Variants in FRMD4A observed in about 807,000 individuals in gnomAD.
The protein encoded by FRMD4A is FERM domain-containing protein 4A.
FRMD4A carries 29 observed loss-of-function variants against 129.1 expected under a neutral mutation model. The ratio of observed to expected loss-of-function variants is 0.22; its 90% CI spans 0.17 to 0.31. The LOEUF (loss-of-function observed/expected upper bound fraction) is 0.31, where lower values mean the gene tolerates loss of function less well. FRMD4A is among the 10% of genes least tolerant of loss of function. FRMD4A has a pLI of 1.00. For synonymous variants in FRMD4A, 634 were observed against 571.6 expected (o/e 1.11, Z -1.56); for missense variants, 1,272 against 1,375.8 (o/e 0.92, Z 1.19).
At position 13,962,299 on chromosome 10, in the gene FRMD4A, C is replaced by T. The variant is rs768602133; in HGVS notation, c.46-103387G>A. Among the ~76,000 whole-genome samples the T allele has an allele frequency of 4.3e-4, 66 of 152,120 alleles. 1 individual carries two copies. Among genetic ancestry groups the T allele is most frequent in the Admixed American group, 6.5e-4 (10 of 15,270 alleles). On this transcript the variant is annotated intron_variant, in intron 2 of 24. Coordinates refer to ENST00000357447, the MANE Select transcript of FRMD4A (RefSeq NM_018027.5). ...AACTTCTCTGAGCCTCGTTATGATA[C>T]CATTATTTATAAAAATGAAGATGAC...
Position 14,000,033 on chromosome 10 carries a change from G to C in FRMD4A, c.46-141121C>G, listed in dbSNP as rs139114904. Among the ~76,000 whole-genome samples the C allele has an allele frequency of 2.1e-3, 327 of 152,296 alleles. 5 individuals are homozygous for C. Among genetic ancestry groups the C allele is most frequent in the African/African-American group, 7.2e-3 (298 of 41,566 alleles). ...GTATTGTTGTAGGCTCTGAGACCTA[G>C]TAGAAAAACTGACCAAGTCCTTTGA... On this transcript the variant is annotated intron_variant, in intron 2 of 24. Coordinates refer to ENST00000357447, the MANE Select transcript of FRMD4A (RefSeq NM_018027.5).
intron 2 of FRMD4A, among the ~76,000 whole-genome samples, chr10:14,137,590 A>G (rs114780664): frequency 0.011 from 1,655 of 152,282 alleles, 22 homozygotes; most frequent in African/African-American, 0.037. Flanking sequence ...GTAGAGAGGC[A>G]TGATGAAAAT....
rs1554858965 is a variant in FRMD4A at position 13,714,036 on chromosome 10, A to AAAATATATAT, written c.760-6924_760-6923insATATATATTT. ...ACATATATAAAATATACATATATAT[A>AAAATATATAT]TATATATATATATATATATATATAA... On this transcript the variant is annotated intron_variant, in intron 12 of 24. Transcript: ENST00000357447. Among the ~76,000 whole-genome samples the AAAATATATAT allele has an allele frequency of 9.6e-3, 45 of 4,708 alleles. 10 individuals carry two copies. The East Asian group carries it at 0.1, about 11-fold the overall frequency. The allele number at this position is 4,708 out of a possible 152,430, so 3.1% of individuals were successfully genotyped here.
chr10:13,960,337 A>G (rs1170055154), intron 2 of FRMD4A, among the ~76,000 whole-genome samples: 1 of 152,242 alleles, frequency 6.6e-6, no homozygotes, highest in Non-Finnish European at 1.5e-5. Context: ...TTGAGACGTT[A>G]AGGAATATTG....
chr10:14,060,968 T>C (rs929334497), intron 2 of FRMD4A, among the ~76,000 whole-genome samples: 1 of 152,122 alleles, frequency 6.6e-6, no homozygotes, highest in South Asian at 2.1e-4. Context: ...CTTTGATTTT[T>C]ATGTATAAGA....
At chr10:14,159,133 T>A (rs373912190) in intron 2 of FRMD4A, among the ~76,000 whole-genome samples, 57 of 152,240 alleles carry the variant, frequency 3.7e-4, no homozygotes, top group African/African-American at 1.3e-3. Flanking sequence ...ATTAAAAATG[T>A]CTCTGGAACA....
intron 2 of FRMD4A, among the ~76,000 whole-genome samples, chr10:14,185,731 G>C (rs967807599): frequency 6.6e-6 from 1 of 152,182 alleles, no homozygotes; most frequent in Admixed American, 6.5e-5. Context: ...AGAGAGAAGG[G>C]ATGGCAACAG....
intron 2 of FRMD4A, among the ~76,000 whole-genome samples, chr10:14,019,380 A>G (rs1335998314): frequency 6.6e-6 from 1 of 152,236 alleles, no homozygotes; most frequent in African/African-American, 2.4e-5. Context: ...GGAAAAACAT[A>G]AAGTTGTAAA....
At chr10:14,058,947 G>T (rs1351739094) in intron 2 of FRMD4A, among the ~76,000 whole-genome samples, 1 of 146,400 alleles carries the variant, frequency 6.8e-6, no homozygotes, top group Admixed American at 6.8e-5. Context: ...AGGGAAAAAT[G>T]CCCTGGTCAA....
chr10:14,037,040 C>T (rs1833533864), intron 2 of FRMD4A, among the ~76,000 whole-genome samples: 1 of 152,190 alleles, frequency 6.6e-6, no homozygotes, highest in African/African-American at 2.4e-5. Flanking sequence ...ATACCTCTGA[C>T]CTACAGCCAC....
chr10:14,051,958 G>A (rs979489565), intron 2 of FRMD4A, among the ~76,000 whole-genome samples: 2 of 152,212 alleles, frequency 1.3e-5, no homozygotes, highest in Non-Finnish European at 2.9e-5. Flanking sequence ...TAGGGTGGTT[G>A]CAGATGTAAT....
At chr10:14,147,614 G>A (rs886328531) in intron 2 of FRMD4A, among the ~76,000 whole-genome samples, 1 of 152,080 alleles carries the variant, frequency 6.6e-6, no homozygotes, top group Non-Finnish European at 1.5e-5. Flanking sequence ...ATTCTCATAA[G>A]GAACGTGCGA....
intron 2 of FRMD4A, among the ~76,000 whole-genome samples, chr10:14,141,930 G>A (rs1162627714): frequency 2.0e-5 from 3 of 152,048 alleles, no homozygotes; most frequent in Non-Finnish European, 4.4e-5. Flanking sequence ...AATAAAGGTC[G>A]ATAGCCTAAA....
At chr10:13,967,914 C>T (rs574082327) in intron 2 of FRMD4A, among the ~76,000 whole-genome samples, 6 of 152,284 alleles carry the variant, frequency 3.9e-5, no homozygotes, top group East Asian at 3.9e-4. Context: ...GGCGTGGTGG[C>T]GCATGCCTGT....
chr10:13,847,853 A>T (rs948723559), intron 3 of FRMD4A, among the ~76,000 whole-genome samples: 1 of 152,264 alleles, frequency 6.6e-6, no homozygotes, highest in African/African-American at 2.4e-5. Flanking sequence ...GCGGTAGACA[A>T]ATAATAAATA....
chr10:14,085,330 G>T (rs538358176), intron 2 of FRMD4A, among the ~76,000 whole-genome samples: 1 of 152,168 alleles, frequency 6.6e-6, no homozygotes, highest in Non-Finnish European at 1.5e-5. Context: ...CGGCAGATGC[G>T]CACCTCACGT....
intron 2 of FRMD4A, among the ~76,000 whole-genome samples, chr10:14,088,239 G>A (rs1836410341): frequency 6.6e-6 from 1 of 151,962 alleles, no homozygotes. Flanking sequence ...TTGATTCCAG[G>A]GATCTGAGAC....
chr10:14,075,697 T>C (rs1404561618), intron 2 of FRMD4A, among the ~76,000 whole-genome samples: 3 of 152,198 alleles, frequency 2.0e-5, no homozygotes, highest in Non-Finnish European at 4.4e-5. Flanking sequence ...TACCTTTATA[T>C]CCATATGCTG....
chr10:13,925,046 A>G (rs1366769893), intron 2 of FRMD4A, among the ~76,000 whole-genome samples: 1 of 139,504 alleles, frequency 7.2e-6, no homozygotes, highest in Non-Finnish European at 1.5e-5. Context: ...CTCTGGTGAC[A>G]GTGCGAGACT....
Sources: gnomAD v4.1 joint callset for allele counts (sites outside exome capture counted in the v4.1 genomes callset) on GRCh38, gnomAD v4.1.1 for gene constraint, MANE v1.5 for transcripts, NCBI Gene and HGNC (gene_info 2026-07-23, HGNC 2026-07-21) for gene names.